DPH6: variants seen among roughly 807,000 people sequenced by gnomAD.
DPH6 encodes diphthamine biosynthesis 6.
A neutral mutation model predicts 38.2 loss-of-function variants in DPH6; 33 were observed. The observed-to-expected ratio is 0.86, with a 90% confidence interval of 0.65 to 1.15. DPH6 has a LOEUF of 1.15. DPH6 is among the 50% of genes most tolerant of loss of function. DPH6 has a pLI of 0.00. For synonymous variants in DPH6, 108 were observed against 103.0 expected (o/e 1.05, Z -0.30); for missense variants, 325 against 320.0 (o/e 1.02, Z -0.12).
intron 3 of DPH6, among the ~76,000 whole-genome samples, chr15:35,348,980 T>A (rs2140888297): frequency 6.6e-6 from 1 of 152,306 alleles, no homozygotes; most frequent in East Asian, 1.9e-4. Flanking sequence ...GAAATGCAAC[T>A]AATTTTTGTG....
chr15:35,273,941 T>G, intron 3 of DPH6, among the ~76,000 whole-genome samples: 1 of 152,224 alleles, frequency 6.6e-6, no homozygotes, highest in Admixed American at 6.5e-5. Context: ...AGAGTCCGTA[T>G]AGCCAAGACA....
chr15:35,172,316 C>G, the DPH6 span, among the ~76,000 whole-genome samples: 1 of 152,164 alleles, frequency 6.6e-6, no homozygotes, highest in Non-Finnish European at 1.5e-5. Context: ...TGAATTTATA[C>G]GCTACCGACA....
At chr15:35,208,743 T>A in the DPH6 span, among the ~76,000 whole-genome samples, 2 of 152,186 alleles carry the variant, frequency 1.3e-5, no homozygotes, top group Non-Finnish European at 2.9e-5. Flanking sequence ...AAGACTTTCT[T>A]ATTCTTCCTC....
chr15:35,284,139 T>A (rs961508101), intron 3 of DPH6, among the ~76,000 whole-genome samples: 1 of 152,190 alleles, frequency 6.6e-6, no homozygotes, highest in African/African-American at 2.4e-5. Flanking sequence ...ACTATTGACT[T>A]TTCTCTTTTG....
At chr15:35,525,694 G>A (rs2054989786) in intron 3 of DPH6, among the ~76,000 whole-genome samples, 4 of 152,014 alleles carry the variant, frequency 2.6e-5, no homozygotes. Context: ...ACAAAAATTA[G>A]CCGGCCATGG....
At chr15:35,442,700 C>A (rs1454982281) in intron 5 of DPH6, among the ~76,000 whole-genome samples, 1 of 152,092 alleles carries the variant, frequency 6.6e-6, no homozygotes, top group Non-Finnish European at 1.5e-5. Flanking sequence ...AAAAAGAACT[C>A]AATTATATAT....
chr15:35,498,696 T>C (rs2054587694), intron 3 of DPH6, among the ~76,000 whole-genome samples: 2 of 152,164 alleles, frequency 1.3e-5, no homozygotes. Flanking sequence ...TTCTTCACAA[T>C]GCCAAGTCTA....
At chr15:35,419,243 T>A (rs1184346008) in intron 5 of DPH6, among the ~76,000 whole-genome samples, 2 of 152,106 alleles carry the variant, frequency 1.3e-5, no homozygotes, top group Non-Finnish European at 2.9e-5. Flanking sequence ...CTATAATTAT[T>A]TTTAGAAATA....
chr15:35,526,028 C>G (rs1158243066), intron 3 of DPH6, among the ~76,000 whole-genome samples: 1 of 151,998 alleles, frequency 6.6e-6, no homozygotes. Flanking sequence ...GGATATATGA[C>G]CACTGAAAAT....
At chr15:35,401,673 G>A (rs1325190060) in intron 6 of DPH6, 6 of 746,890 alleles carry the variant, frequency 8.0e-6, no homozygotes, top group Non-Finnish European at 1.5e-5. Context: ...TGGCTCCTAT[G>A]GTGTTGGAGG....
At chr15:35,509,151 C>A (rs2054734307) in intron 3 of DPH6, among the ~76,000 whole-genome samples, 1 of 152,142 alleles carries the variant, frequency 6.6e-6, no homozygotes, top group South Asian at 2.1e-4. Context: ...ACAATTTTTA[C>A]TATTACAAGA....
At chr15:35,319,476 C>T (rs1250700127) in intron 3 of DPH6, among the ~76,000 whole-genome samples, 2 of 152,122 alleles carry the variant, frequency 1.3e-5, no homozygotes, top group East Asian at 3.9e-4. Flanking sequence ...CGTGGTGAGT[C>T]ATGCCTGTAA....
chr15:35,350,970 CTGTT>C (rs974665797), intron 3 of DPH6, among the ~76,000 whole-genome samples: 3 of 152,100 alleles, frequency 2.0e-5, no homozygotes, highest in African/African-American at 7.2e-5. Flanking sequence ...TTCAAGTCTT[CTGTT>C]TCTTTACTTT....
intron 3 of DPH6, among the ~76,000 whole-genome samples, chr15:35,364,597 C>T (rs2052641394): frequency 6.6e-6 from 1 of 152,044 alleles, no homozygotes; most frequent in Admixed American, 6.6e-5. Context: ...TTTCATTTAG[C>T]ACTATAAAAA....
intron 3 of DPH6, among the ~76,000 whole-genome samples, chr15:35,507,369 C>A (rs925630375): frequency 1.3e-5 from 2 of 151,856 alleles, no homozygotes; most frequent in African/African-American, 4.8e-5. Context: ...AATGTCCTTG[C>A]TGAAAATAAA....
rs567612901 is a variant in DPH6 at position 35,510,571 on chromosome 15, A to G, written c.312+27703T>C. Among the ~76,000 whole-genome samples the G allele has an allele frequency of 1.8e-4, 27 of 152,316 alleles. 1 individual carries two copies. Among genetic ancestry groups the G allele is most frequent in the Non-Finnish European group, 3.5e-4 (24 of 68,014 alleles). ...AACCATAGGGATGAGGAAGGATAAA[A>G]GCATTTCGATGCAGTAACCTGTTTC... On this transcript the variant is annotated intron_variant, in intron 3 of 8. Transcript: ENST00000256538.
At chr15:35,520,240 A>AAAAAAGAAGAAGAAT in intron 3 of DPH6, 3 of 820,594 alleles carry the variant, frequency 3.7e-6, no homozygotes, top group Non-Finnish European at 4.4e-6. Context: ...CAAAAAAAAA[A>AAAAAAGAAGAAGAAT]CAAAAGAAGA....
At chr15:35,515,148 C>T (rs2054827640) in intron 3 of DPH6, among the ~76,000 whole-genome samples, 1 of 150,180 alleles carries the variant, frequency 6.7e-6, no homozygotes, top group African/African-American at 2.5e-5. Context: ...AAAAAAAAAG[C>T]TAATGTATCT....
At position 35,450,686 on chromosome 15, in the gene DPH6, C is replaced by T. The variant is rs565863034; in HGVS notation, c.504G>A (p.Leu168=). ...TCCCTTGATAGTTTGGCTGCATACCCAAAGCTGCTACTTTGATGATCATTG... is the reference window on the plus strand; with the variant it reads ...TCCCTTGATAGTTTGGCTGCATACCTAAAGCTGCTACTTTGATGATCATTG... The part of the protein sequence containing the change: ...IQAMIIKVAA[L]GLDPDKHLGK... Residue 168 remains leucine, a splice_region_variant and synonymous_variant, in exon 5 of 9, where the codon TTG becomes TTA. Coordinates refer to ENST00000256538, the MANE Select transcript of DPH6 (RefSeq NM_080650.4). The T allele has an allele frequency of 6.2e-7, 1 of 1,612,038 alleles. No individual in the cohort carries two copies. Among genetic ancestry groups the T allele is most frequent in the African/African-American group, 1.3e-5 (1 of 74,780 alleles).
Sources: gnomAD v4.1 joint callset for allele counts (sites outside exome capture counted in the v4.1 genomes callset) on GRCh38, gnomAD v4.1.1 for gene constraint, MANE v1.5 for transcripts, NCBI Gene and HGNC (gene_info 2026-07-23, HGNC 2026-07-21) for gene names.